The following EEA1 variants were observed in gnomAD, a reference collection of about 807,000 sequenced individuals.
EEA1 encodes early endosome antigen 1, 162kD.
A neutral mutation model predicts 209.2 loss-of-function variants in EEA1; 111 were observed. The observed-to-expected ratio is 0.53, with a 90% CI of 0.45 to 0.62. The LOEUF (loss-of-function observed/expected upper bound fraction) is 0.62, where lower values mean the gene tolerates loss of function less well. EEA1 is among the 20% of genes least tolerant of loss of function. The pLI is 0.00. For missense variants in EEA1, 1,343 were observed against 1,530.8 expected (o/e 0.88, Z 2.05); for synonymous variants, 536 against 540.6 (o/e 0.99, Z 0.12).
In EEA1 at chr12:92,916,832, G is replaced by A. The variant is rs1359046503; in HGVS notation, c.24+12211C>T. ...GGACATTCAAACCAAAGGCAAAGAA[G>A]TTGAAAACTTTGAAAAAAATTTAGA... On this transcript the variant is annotated intron_variant, in intron 1 of 28. Coordinates refer to ENST00000322349, the MANE Select transcript of EEA1 (RefSeq NM_003566.4). Among the ~76,000 whole-genome samples, 3 of 125,186 alleles carry A rather than the reference G, an allele frequency of 2.4e-5. No homozygotes were observed. In the East Asian group the frequency reaches 6.0e-4, roughly 25 times the overall value. 82.1% of individuals were successfully genotyped at this position (125,186 alleles called of 152,430 possible).
At chr12:92,821,451 C>G (rs925966660) in intron 13 of EEA1, among the ~76,000 whole-genome samples, 1 of 152,110 alleles carries the variant, frequency 6.6e-6, no homozygotes, top group Non-Finnish European at 1.5e-5. Context: ...TTCCTTTCAC[C>G]CAAAAATTTC....
chr12:92,781,491 G>A (rs535382914), intron 23 of EEA1, among the ~76,000 whole-genome samples: 2 of 152,142 alleles, frequency 1.3e-5, no homozygotes, highest in South Asian at 4.2e-4. Context: ...AAAATGTACT[G>A]GTCATATATT....
chr12:92,803,707 T>A (rs1875048609), intron 18 of EEA1, among the ~76,000 whole-genome samples: 1 of 152,058 alleles, frequency 6.6e-6, no homozygotes, highest in Non-Finnish European at 1.5e-5. Flanking sequence ...TTTTACCTCC[T>A]AAAAAATAGC....
At chr12:92,869,885 G>A (rs1255035586) in intron 2 of EEA1, among the ~76,000 whole-genome samples, 4 of 150,772 alleles carry the variant, frequency 2.7e-5, no homozygotes, top group Non-Finnish European at 5.9e-5. Context: ...GGTCCAGAAG[G>A]ATAACATGTG....
intron 18 of EEA1, among the ~76,000 whole-genome samples, chr12:92,803,122 G>C (rs1223983467): frequency 1.3e-5 from 2 of 152,004 alleles, no homozygotes; most frequent in East Asian, 1.9e-4. Context: ...CCAACACAGA[G>C]AGAACTTTGT....
Position 92,882,154 on chromosome 12 carries a change from C to A in EEA1, c.117+9475G>T, listed in dbSNP as rs371663597. On this transcript the variant is annotated intron_variant, in intron 2 of 28. Transcript: ENST00000322349. ...ACAAAGTCTCACTCTGTTGCCCAGG[C>A]TGGAGTGCAGTGGAGTGATCTCAGC... Among the ~76,000 whole-genome samples, 3 of 151,972 alleles carry A rather than the reference C, an allele frequency of 2.0e-5. No homozygotes were observed. The East Asian group carries it at 5.8e-4, about 29-fold the overall frequency.
rs374996610 is a variant in EEA1 at position 92,924,643 on chromosome 12, C to T, written c.24+4400G>A. Reference sequence around the variant, plus strand: ...ATAGTAAATGAAACAGGATACAAACCCAGGTAGTCTGGCATCAGAGTTCAT... The same window carrying T: ...ATAGTAAATGAAACAGGATACAAACTCAGGTAGTCTGGCATCAGAGTTCAT... On this transcript the variant is annotated intron_variant, in intron 1 of 28. Coordinates refer to ENST00000322349, the MANE Select transcript of EEA1 (RefSeq NM_003566.4). Among the ~76,000 whole-genome samples the T allele has an allele frequency of 1.9e-4, 29 of 151,852 alleles. 1 individual carries two copies. The South Asian group carries it at 5.4e-3, about 28-fold the overall frequency.
At chr12:92,881,858 A>G (rs775797220) in intron 2 of EEA1, among the ~76,000 whole-genome samples, 16 of 152,156 alleles carry the variant, frequency 1.1e-4, no homozygotes, top group Non-Finnish European at 1.8e-4. Context: ...ATTACAGCTG[A>G]CCCTCGAACA....
intron 1 of EEA1, among the ~76,000 whole-genome samples, chr12:92,900,495 G>T (rs527825153): frequency 6.6e-6 from 1 of 151,198 alleles, no homozygotes; most frequent in African/African-American, 2.4e-5. Context: ...CTACAGTTCT[G>T]CAAACACCAA....
Position 92,809,071 on chromosome 12 carries a change from T to C in EEA1, c.2285A>G (p.Asp762Gly), listed in dbSNP as rs1875353809. The C allele has an allele frequency of 6.2e-7, 1 of 1,607,984 alleles. No homozygotes were observed. The highest frequency in any genetic ancestry group is 8.5e-7 in the Non-Finnish European group (1 of 1,176,858). Residue 762 changes from aspartate to glycine, a missense_variant, in exon 18 of 29, where the codon GAT (aspartate) becomes GGT (glycine). Around this residue, in one of 3 missense-constraint regions of EEA1, gnomAD observed 1,307 missense variants for 1,465.5 expected, o/e 0.89. Transcript: ENST00000322349. ...DLQQQRQLNTDLELRATELSK... is the reference protein window; with the variant it reads ...DLQQQRQLNTGLELRATELSK... The stretch of plus-strand genomic sequence containing the variant: ...CAATTCTGTGGCTCTGAGCTCTAAA[T>C]CTGTGTTCAGCTGTCTTTGCTGTTG...
intron 10 of EEA1, among the ~76,000 whole-genome samples, chr12:92,839,671 T>C (rs922147731): frequency 1.4e-4 from 21 of 152,206 alleles, no homozygotes; most frequent in African/African-American, 4.6e-4. Flanking sequence ...TATGTTAATA[T>C]TTAATGAGTT....
chr12:92,883,850 C>T (rs1879270161), intron 2 of EEA1: 2 of 1,603,294 alleles, frequency 1.2e-6, no homozygotes, highest in Non-Finnish European at 1.7e-6. Context: ...TTTAAAACAA[C>T]CGATGAGAGC....
At chr12:92,904,628 T>C (rs1017941816) in intron 1 of EEA1, among the ~76,000 whole-genome samples, 2 of 152,214 alleles carry the variant, frequency 1.3e-5, no homozygotes, top group African/African-American at 4.8e-5. Flanking sequence ...TTTGGCTACA[T>C]GTCGGGAACC....
chr12:92,871,459 C>T (rs1477508438), intron 2 of EEA1, among the ~76,000 whole-genome samples: 1 of 152,196 alleles, frequency 6.6e-6, no homozygotes, highest in Non-Finnish European at 1.5e-5. Flanking sequence ...TCATTTTCAT[C>T]GTGCACTTTC....
At chr12:92,909,328 T>C (rs1480365522) in intron 1 of EEA1, among the ~76,000 whole-genome samples, 2 of 152,114 alleles carry the variant, frequency 1.3e-5, no homozygotes, top group African/African-American at 4.8e-5. Flanking sequence ...AGGAAGCTTT[T>C]TGAACACAAA....
chr12:92,906,534 C>T (rs948478345), intron 1 of EEA1, among the ~76,000 whole-genome samples: 8 of 152,094 alleles, frequency 5.3e-5, no homozygotes, highest in African/African-American at 1.4e-4. Context: ...CTTTAGGGGC[C>T]GGGTGCAGTG....
chr12:92,882,613 T>C (rs1373361730), intron 2 of EEA1, among the ~76,000 whole-genome samples: 1 of 152,136 alleles, frequency 6.6e-6, no homozygotes, highest in Non-Finnish European at 1.5e-5. Context: ...GTTGTTGCCA[T>C]CTTTATGTCC....
chr12:92,808,687 A>AT (rs970039296), intron 18 of EEA1, among the ~76,000 whole-genome samples: 8 of 152,080 alleles, frequency 5.3e-5, no homozygotes, highest in African/African-American at 1.9e-4. Flanking sequence ...ATATCCCCGA[A>AT]TTTTTTAATT....
At chr12:92,921,420 TA>T (rs1190297545) in intron 1 of EEA1, among the ~76,000 whole-genome samples, 2 of 95,076 alleles carry the variant, frequency 2.1e-5, no homozygotes, top group African/African-American at 9.8e-5. Context: ...TATGCAGCCA[TA>T]AAAAATGATG....
Sources: gnomAD v4.1 joint callset for allele counts (sites outside exome capture counted in the v4.1 genomes callset) on GRCh38, gnomAD v4.1.1 for gene constraint, gnomAD v4.1.1 regional missense constraint, MANE v1.5 for transcripts, NCBI Gene and HGNC (gene_info 2026-07-23, HGNC 2026-07-21) for gene names.